Variants in TLE7 observed in about 807,000 individuals in gnomAD.
TLE7 encodes TLE family member 7, also known as transducin-like enhancer protein 7.
chr16:71,438,681 CAAAAAAAAA>C (rs71389663), intron 1 of TLE7, among the ~76,000 whole-genome samples: 1 of 65,774 alleles, frequency 1.5e-5, no homozygotes, highest in East Asian at 7.5e-4. Context: ...GACTCCATCT[CAAAAAAAAA>C]AAAAAAAAAA....
In TLE7 at chr16:71,431,543, A is replaced by T. The variant is rs1300080708; in HGVS notation, c.871T>A (p.Tyr291Asn). The change falls in exon 7 of 10, where the codon TAC becomes AAC. Residue 291 changes from tyrosine to asparagine, a missense_variant. Coordinates refer to ENST00000561754, the MANE Select transcript of TLE7 (RefSeq NM_001367365.2). The surrounding 1 kb of genome is among the most constrained non-coding windows in gnomAD (Gnocchi z 4.5). ...GTGATGTCCACACATCGGGACCCGT[A>T]TACAGGAACTTCGTGCTTCCTGGTG... is the stretch of plus-strand genomic sequence containing the variant. ...ILIRKHEVPV[Y>N]GSRCVDITGN... 1.2e-5 allele frequency: 5 copies of T among 400,690 alleles called. No individual in the cohort carries two copies. Among genetic ancestry groups the T allele is most frequent in the Admixed American group, 4.4e-5 (1 of 22,726 alleles). 24.8% of individuals were successfully genotyped at this position (400,690 alleles called of 1,614,324 possible).
chr16:71,440,276 T>G (rs2042841944), intron 1 of TLE7, among the ~76,000 whole-genome samples: 1 of 152,184 alleles, frequency 6.6e-6, no homozygotes, highest in East Asian at 1.9e-4. Context: ...TAGAGGGTGG[T>G]GATGGTTGTG....
chr16:71,432,451 C>T (rs1038030302), intron 4 of TLE7, 126 bp from the exon 5 acceptor site: 151 of 397,736 alleles, frequency 3.8e-4, no homozygotes, highest in Non-Finnish European at 5.9e-4. Flanking sequence ...GAACCTGGCC[C>T]CTGGTTCCCA....
In TLE7 at chr16:71,430,068, A is replaced by T. The variant is rs984344656; in HGVS notation, c.*194T>A. ...GAAATCAGTGGTAGGAAGATAACAA[A>T]GGAAAAAGCTCCAAGCCATCTGATT... On this transcript the variant is annotated 3_prime_UTR_variant, in exon 10 of 10. Coordinates refer to ENST00000561754, the MANE Select transcript of TLE7 (RefSeq NM_001367365.2). Among the ~76,000 whole-genome samples, 1 of 152,210 alleles carries T rather than the reference A, an allele frequency of 6.6e-6. No individual in the cohort carries two copies. The highest frequency in any genetic ancestry group is 1.5e-5 in the Non-Finnish European group (1 of 68,030).
intron 1 of TLE7, among the ~76,000 whole-genome samples, chr16:71,433,688 G>T (rs376615986): frequency 6.6e-5 from 10 of 152,326 alleles, no homozygotes; most frequent in African/African-American, 2.2e-4. Context: ...TGCCGGGCAC[G>T]GTGGCTCACA....
chr16:71,438,599 T>C (rs2042835672), intron 1 of TLE7, among the ~76,000 whole-genome samples: 1 of 148,922 alleles, frequency 6.7e-6, no homozygotes. Flanking sequence ...GGAGAATCAC[T>C]TGAACCCAGG....
Position 71,433,246 on chromosome 16 carries a change from C to G in TLE7, c.79G>C (p.Glu27Gln). Residue 27 changes from glutamate (E) to glutamine (Q), a missense_variant, in exon 2 of 10, where the codon GAA becomes CAA. Physicochemically the swap from Glu to Gln is conservative, Grantham distance 29. Transcript: ENST00000561754. Reference sequence around the variant, plus strand: ...GGCTGAGAGGAAACGCCAGAGCTTTCCAGCACATCCCTCCTCTCCTCTGGC... The same window carrying G: ...GGCTGAGAGGAAACGCCAGAGCTTTGCAGCACATCCCTCCTCTCCTCTGGC... Reference protein sequence around the residue: ...GEPEERRDVLESSGVSSQPEP... With the variant: ...GEPEERRDVLQSSGVSSQPEP... 5 of 398,692 alleles carry G rather than the reference C, an allele frequency of 1.3e-5. No individual in the cohort carries two copies. Among genetic ancestry groups the G allele is most frequent in the Non-Finnish European group, 2.2e-5 (5 of 226,146 alleles). 24.7% of individuals were successfully genotyped at this position (398,692 alleles called of 1,614,324 possible). A position where few individuals can be genotyped will look rare whatever the true frequency, so the allele number is the denominator to read the frequency against.
chr16:71,438,667 G>T (rs1467616388), intron 1 of TLE7, among the ~76,000 whole-genome samples: 1 of 134,484 alleles, frequency 7.4e-6, no homozygotes, highest in Non-Finnish European at 1.5e-5. Context: ...GGGTATCAGG[G>T]TGAGACTCCA....
rs1192256985 is a variant in TLE7 at position 71,432,319 on chromosome 16, T to C, written c.400A>G (p.Ile134Val). The C allele has an allele frequency of 1.0e-5, 4 of 400,616 alleles. No homozygotes were observed. The highest frequency in any genetic ancestry group is 1.8e-5 in the Non-Finnish European group (4 of 226,322). 24.8% of individuals were successfully genotyped at this position (400,616 alleles called of 1,614,324 possible). Residue 134 changes from isoleucine to valine, a missense_variant, in exon 5 of 10, where the codon ATT becomes GTT. Ile to Val is a conservative substitution (Grantham distance 29). Coordinates refer to ENST00000561754, the MANE Select transcript of TLE7 (RefSeq NM_001367365.2). ...VLSLLRAIPP[I>V]PDEVVVRQKR... ...TGCCTGACCACAACTTCATCTGGAATGGGGGGCTAGGCAAGGAGAGGGTGG... is the reference window on the plus strand; with the variant it reads ...TGCCTGACCACAACTTCATCTGGAACGGGGGGCTAGGCAAGGAGAGGGTGG...
Position 71,433,237 on chromosome 16 carries a change from C to A in TLE7, c.88G>T (p.Gly30Cys). The A allele has an allele frequency of 2.5e-6, 1 of 398,764 alleles. No homozygotes were observed. Among genetic ancestry groups the A allele is most frequent in the Non-Finnish European group, 4.4e-6 (1 of 226,178 alleles). 24.7% of individuals were successfully genotyped at this position (398,764 alleles called of 1,614,324 possible). A position where few individuals can be genotyped will look rare whatever the true frequency, so the allele number is the denominator to read the frequency against. ...EERRDVLESS[G>C]VSSQPEPQVQ... ...TGTGGCTCAGGCTGAGAGGAAACGC[C>A]AGAGCTTTCCAGCACATCCCTCCTC... The change falls in exon 2 of 10, where the codon GGC becomes TGC. Residue 30 changes from glycine to cysteine, a missense_variant. Gly to Cys is a radical substitution (Grantham distance 159). Coordinates refer to ENST00000561754, the MANE Select transcript of TLE7 (RefSeq NM_001367365.2).
chr16:71,439,314 G>C (rs1018536451), intron 1 of TLE7, among the ~76,000 whole-genome samples: 1 of 152,194 alleles, frequency 6.6e-6, no homozygotes, highest in Admixed American at 6.5e-5. Context: ...GGGGAAGCAG[G>C]GTAGCAGAGA....
chr16:71,436,857 G>C (rs1567556410), intron 1 of TLE7, among the ~76,000 whole-genome samples: 1 of 152,218 alleles, frequency 6.6e-6, no homozygotes. Flanking sequence ...TCAGCCAGTG[G>C]TTCTTACATT....
chr16:71,438,224 C>T (rs955364610), intron 1 of TLE7, among the ~76,000 whole-genome samples: 2 of 151,722 alleles, frequency 1.3e-5, no homozygotes. Context: ...CCTGAGGTCA[C>T]GAGTTCGAGA....
chr16:71,440,649 T>C (rs1160745304), intron 1 of TLE7, among the ~76,000 whole-genome samples: 2 of 152,182 alleles, frequency 1.3e-5, no homozygotes, highest in East Asian at 3.8e-4. Context: ...GTGGTTTTCT[T>C]CCCTTTGCTC....
At chr16:71,437,008 A>G (rs1337662808) in intron 1 of TLE7, among the ~76,000 whole-genome samples, 3 of 152,068 alleles carry the variant, frequency 2.0e-5, no homozygotes, top group Admixed American at 6.5e-5. Flanking sequence ...GATCACTTGA[A>G]GTCAGGACCA....
rs537829396 is a variant in TLE7 at position 71,431,872 on chromosome 16, G to A, written c.740C>T (p.Ser247Leu). The A allele has an allele frequency of 5.0e-6, 2 of 400,692 alleles. No homozygotes were observed. The highest frequency in any genetic ancestry group is 4.4e-6 in the Non-Finnish European group (1 of 226,256). 24.8% of individuals were successfully genotyped at this position (400,692 alleles called of 1,614,324 possible). ...CAGAGAATAGCACGTGGGGCCCGTC[G>A]AGGTCAGCTGTGCCCTGACCTGGGG... ...PTPQVRAQLT[S>L]TGPTCYSLAV... is the part of the protein sequence containing the mutation. Residue 247 changes from serine to leucine, a missense_variant, in exon 6 of 10, where the codon TCG becomes TTG. Transcript: ENST00000561754. This position sits in a 1 kb window ranked among gnomAD's most constrained non-coding sequence, Gnocchi z 4.5.
At chr16:71,441,748 A>G (rs554284724) in intron 1 of TLE7, among the ~76,000 whole-genome samples, 1 of 152,230 alleles carries the variant, frequency 6.6e-6, no homozygotes, top group South Asian at 2.1e-4. Context: ...GACCGAGGCC[A>G]GAGCCGAGGC....
chr16:71,440,244 G>A (rs1567556987), intron 1 of TLE7, among the ~76,000 whole-genome samples: 2 of 152,192 alleles, frequency 1.3e-5, no homozygotes, highest in Non-Finnish European at 2.9e-5. Flanking sequence ...TTCCTTTTGG[G>A]ATGACAAAAA....
At chr16:71,440,885 C>T (rs2042844589) in intron 1 of TLE7, among the ~76,000 whole-genome samples, 1 of 152,206 alleles carries the variant, frequency 6.6e-6, no homozygotes. Context: ...CCTCCTCCCA[C>T]CTCCTCCCTC....
Sources: allele counts gnomAD v4.1 joint callset (sites outside exome capture counted in the v4.1 genomes callset), GRCh38; gene constraint gnomAD v4.1.1; non-coding constraint Gnocchi (gnomAD v3.1); transcripts MANE v1.5; gene names NCBI Gene and HGNC (gene_info 2026-07-23, HGNC 2026-07-21).